ACRBP: variants seen among roughly 807,000 people sequenced by gnomAD.
ACRBP encodes the protein acrosin binding protein.
ACRBP carries 52 observed loss-of-function variants against 69.0 expected under a neutral mutation model. The observed-to-expected ratio is 0.75, with a 90% CI of 0.60 to 0.95. The LOEUF (loss-of-function observed/expected upper bound fraction) is 0.95. Ranked by LOEUF, ACRBP falls within the 40% of genes least tolerant of loss-of-function variation. The probability of loss-of-function intolerance (pLI) is 0.00; values close to 1 mark genes in which losing one functional copy is unlikely to be tolerated. For missense variants in ACRBP, 604 were observed against 673.0 expected, an observed-to-expected ratio of 0.90 and a Z score of 1.13; for synonymous variants, 267 against 258.9, an observed-to-expected ratio of 1.03 and a Z score of -0.30.
intron 4 of ACRBP, 25 bp downstream of exon 4, chr12:6,645,195 C>G (rs1949078864): frequency 2.6e-6 from 4 of 1,557,498 alleles, no homozygotes; most frequent in Non-Finnish European, 3.5e-6. Flanking sequence ...AGCTGGTGGT[C>G]TCCCGGCTGC....
Position 6,638,319 on chromosome 12 carries a change from T to C in ACRBP, c.1595A>G (p.Gln532Arg). Reference protein sequence around the residue: ...KSEDVVLRWSQEFSTLTLGQF... With the variant: ...KSEDVVLRWSREFSTLTLGQF... ...GCCTAGAGTCAAGGTGCTGAACTCC[T>C]GGCTCCATCGAAGCACAACGTCCTC... Residue 532 changes from glutamine to arginine, a missense_variant, in exon 10 of 10, where the codon CAG (glutamine) becomes CGG (arginine). Around this residue, in one of 3 missense-constraint regions of ACRBP, gnomAD observed 51 missense variants for 60.1 expected, o/e 0.85. Transcript: ENST00000229243. 1 of 1,614,176 alleles carries C rather than the reference T, an allele frequency of 6.2e-7. No individual in the cohort carries two copies. The highest frequency in any genetic ancestry group is 8.5e-7 in the Non-Finnish European group (1 of 1,180,024).
In ACRBP at chr12:6,638,094, TAA is replaced by T; in HGVS notation, c.*186_*187del. ...ACAGGCTGAAGATCAACATTTTATGTAAAGTCATCTTTTAAGGAGGGCGCAGC... is the reference window on the plus strand; with the variant it reads ...ACAGGCTGAAGATCAACATTTTATGTAGTCATCTTTTAAGGAGGGCGCAGC... On this transcript the variant is annotated 3_prime_UTR_variant, in exon 10 of 10. Coordinates refer to ENST00000229243, the MANE Select transcript of ACRBP (RefSeq NM_032489.3). 4 of 722,692 alleles carry T rather than the reference TAA, an allele frequency of 5.5e-6. No homozygotes were observed. The highest frequency in any genetic ancestry group is 8.9e-6 in the Non-Finnish European group (4 of 450,892). The allele number at this position is 722,692 out of a possible 1,614,324, so 44.8% of individuals were successfully genotyped here.
chr12:6,640,074 C>G lies in ACRBP; in HGVS notation c.1411G>C (p.Asp471His), dbSNP rs762502536. ...QTEFLSFQDGDFPTKICDTDY... is the reference protein window; with the variant it reads ...QTEFLSFQDGHFPTKICDTDY... The stretch of plus-strand genomic sequence containing the variant: ...AAGGTTCTAACCTTGGTAGGGAAAT[C>G]CCCATCCTGGAAGCTAAGGAACTCA... The change falls in exon 8 of 10, where the codon GAT becomes CAT. Residue 471 changes from aspartate (D) to histidine (H), a missense_variant. Asp to His is a moderately conservative substitution (Grantham distance 81). This residue lies in a region of ACRBP where 21 missense variants were observed against 50.0 expected (regional missense o/e 0.42). Transcript: ENST00000229243. The surrounding 1 kb of genome is among the most constrained non-coding windows in gnomAD (Gnocchi z 5.3). 3 of 1,614,040 alleles carry G rather than the reference C, an allele frequency of 1.9e-6. No individual in the cohort carries two copies. Among genetic ancestry groups the G allele is most frequent in the Non-Finnish European group, 2.5e-6 (3 of 1,180,026 alleles).
chr12:6,638,532 A>G (rs1003389025), intron 9 of ACRBP, 128 bp from the exon 10 acceptor site: 139 of 1,364,252 alleles, frequency 1.0e-4, no homozygotes, highest in Non-Finnish European at 8.2e-5. Context: ...AGTAGAGGGA[A>G]GGAGGAAACT....
In ACRBP at chr12:6,638,096, A is replaced by G. The variant is rs1345163825; in HGVS notation, c.*186T>C. ...AGGCTGAAGATCAACATTTTATGTA[A>G]AGTCATCTTTTAAGGAGGGCGCAGC... On this transcript the variant is annotated 3_prime_UTR_variant, in exon 10 of 10. Coordinates refer to ENST00000229243, the MANE Select transcript of ACRBP (RefSeq NM_032489.3). 6.8e-6 allele frequency: 5 copies of G among 732,774 alleles called. No individual in the cohort carries two copies. The Admixed American group carries it at 8.8e-5, about 13-fold the overall frequency. 45.4% of individuals were successfully genotyped at this position (732,774 alleles called of 1,614,324 possible).
intron 9 of ACRBP, chr12:6,638,619 C>T: frequency 1.5e-6 from 2 of 1,290,444 alleles, no homozygotes; most frequent in Non-Finnish European, 2.1e-6. Context: ...GGCTGAGGCT[C>T]AGAGGGGGAA....
intron 3 of ACRBP, among the ~76,000 whole-genome samples, chr12:6,645,698 T>C (rs1303208509): frequency 2.6e-5 from 4 of 151,344 alleles, no homozygotes; most frequent in African/African-American, 7.3e-5. Flanking sequence ...TCTCACTCTG[T>C]CACCCAGGCT....
chr12:6,639,349 A>G (rs1488738341), intron 8 of ACRBP, among the ~76,000 whole-genome samples: 1 of 152,230 alleles, frequency 6.6e-6, no homozygotes, highest in Non-Finnish European at 1.5e-5. Flanking sequence ...CAGGGACCCG[A>G]TTAGTGGCCT....
rs780897162 is a variant in ACRBP, at chr12:6,647,380, C to T, written c.-14G>A. ...TGGCTTCCTCATGGCCGGAGAAGAT[C>T]CGCCCGCGTCCCGTGGACACAAGCC... is the stretch of plus-strand genomic sequence containing the variant. On this transcript the variant is annotated 5_prime_UTR_variant, in exon 1 of 10. Coordinates refer to ENST00000229243, the MANE Select transcript of ACRBP (RefSeq NM_032489.3). The T allele has an allele frequency of 1.3e-6, 2 of 1,521,212 alleles. No individual in the cohort carries two copies. Among genetic ancestry groups the T allele is most frequent in the Non-Finnish European group, 1.8e-6 (2 of 1,132,378 alleles). 94.2% of individuals were successfully genotyped at this position (1,521,212 alleles called of 1,614,324 possible).
At position 6,645,321 on chromosome 12, in the gene ACRBP, T is replaced by G. The variant is rs754452777; in HGVS notation, c.374A>C (p.Gln125Pro). 1 of 1,613,434 alleles carries G rather than the reference T, an allele frequency of 6.2e-7. No homozygotes were observed. The highest frequency in any genetic ancestry group is 1.7e-5 in the Admixed American group (1 of 59,920). Residue 125 changes from glutamine to proline, a missense_variant, in exon 4 of 10, where the codon CAG (glutamine) becomes CCG (proline). Around this residue, in one of 3 missense-constraint regions of ACRBP, gnomAD observed 532 missense variants for 562.9 expected, o/e 0.95. Coordinates refer to ENST00000229243, the MANE Select transcript of ACRBP (RefSeq NM_032489.3). ...GTTAGGTGAGAGAATAGAGACTGGC[T>G]GGGAACACAGGACTCTCTGCAGGAA... is the stretch of plus-strand genomic sequence containing the variant. The part of the protein sequence containing the change: ...VYYAKRVLCS[Q>P]PVSILSPNTL...
At chr12:6,644,702 C>A (rs1949076033) in intron 4 of ACRBP, 97 bp from the exon 5 acceptor site, 1 of 1,488,450 alleles carries the variant, frequency 6.7e-7, no homozygotes, top group Non-Finnish European at 8.9e-7. Context: ...ACAAAGCAGA[C>A]CAAGTCACAC....
At chr12:6,647,075 C>T (rs1949095779) in intron 1 of ACRBP, 63 bp from the exon 2 acceptor site, 2 of 1,397,604 alleles carry the variant, frequency 1.4e-6, no homozygotes, top group Admixed American at 1.9e-5. Context: ...GAGACCAGGA[C>T]AGACAGACCC....
intron 6 of ACRBP, among the ~76,000 whole-genome samples, chr12:6,643,257 CA>C (rs942550851): frequency 1.4e-4 from 20 of 145,476 alleles, no homozygotes; most frequent in East Asian, 5.9e-4. Flanking sequence ...GACCCTGTCT[CA>C]AAAAAAAAAG....
Position 6,639,038 on chromosome 12 carries a change from C to G in ACRBP, c.1426-1G>C. The G allele has an allele frequency of 6.2e-7, 1 of 1,613,758 alleles. No individual in the cohort carries two copies. The highest frequency in any genetic ancestry group is 8.5e-7 in the Non-Finnish European group (1 of 1,179,636). On this transcript the variant is annotated splice_acceptor_variant, in intron 8 of 9. Transcript: ENST00000229243. LOFTEE classifies it high-confidence loss of function. The stretch of plus-strand genomic sequence containing the variant: ...ACTGGATATAGTCTGTGTCACAAAT[C>G]TAAGCCAAGAGCCAGAGAGAGGGAA...
chr12:6,639,928 T>G (rs1592305949), intron 8 of ACRBP, 132 bp downstream of exon 8: 1 of 1,109,374 alleles, frequency 9.0e-7, no homozygotes. Flanking sequence ...AGGCAGGAGA[T>G]TCAGTGAGGA....
rs148213737 is a variant in ACRBP at position 6,640,122 on chromosome 12, G to T, written c.1363C>A (p.Arg455=). ...RLATKGCEDV[R]VSGWLQTEFL... ...TCAGTCTGGAGCCACCCAGAGACTC[G>T]GACATCTTCACAGCCTTTCGTGGCA... The change falls in exon 8 of 10, where the codon CGA becomes AGA. Residue 455 remains arginine, a synonymous_variant. Coordinates refer to ENST00000229243, the MANE Select transcript of ACRBP (RefSeq NM_032489.3). The surrounding 1 kb of genome is among the most constrained non-coding windows in gnomAD (Gnocchi z 5.3). 2.1e-5 allele frequency: 34 copies of T among 1,614,056 alleles called. No individual in the cohort carries two copies. Among genetic ancestry groups the T allele is most frequent in the Admixed American group, 1.2e-4 (7 of 59,992 alleles).
chr12:6,647,024 G>A lies in ACRBP; in HGVS notation c.44-12C>T, dbSNP rs190739644. On this transcript the variant is annotated splice_polypyrimidine_tract_variant and intron_variant, in intron 1 of 9. Transcript: ENST00000229243. ...AGGCAGGAGCAGCACTGCGGAGCGGGCGAACGGATGATGGAAGGACCGAAC... is the reference window on the plus strand; with the variant it reads ...AGGCAGGAGCAGCACTGCGGAGCGGACGAACGGATGATGGAAGGACCGAAC... The A allele has an allele frequency of 3.7e-4, 594 of 1,605,534 alleles. 2 individuals are homozygous for A. In the African/African-American group the frequency reaches 6.9e-3, roughly 19 times the overall value.
At position 6,646,557 on chromosome 12, in the gene ACRBP, G is replaced by A; in HGVS notation, c.283C>T (p.Pro95Ser). Residue 95 changes from proline to serine, a missense_variant, in exon 3 of 10, where the codon CCT (proline) becomes TCT (serine). Transcript: ENST00000229243. ...AAAGACTCAAACCAGGAGGCATAAGGGAGGTTGGAGCAGACAGCACCTGAG... is the reference window on the plus strand; with the variant it reads ...AAAGACTCAAACCAGGAGGCATAAGAGAGGTTGGAGCAGACAGCACCTGAG... ...VPDGAVCSNL[P>S]YASWFESFCQ... is the part of the protein sequence containing the mutation. 1 of 1,614,124 alleles carries A rather than the reference G, an allele frequency of 6.2e-7. No individual in the cohort carries two copies. Among genetic ancestry groups the A allele is most frequent in the Non-Finnish European group, 8.5e-7 (1 of 1,180,034 alleles).
chr12:6,639,136 G>T, intron 8 of ACRBP, 99 bp from the exon 9 acceptor site: 1 of 1,130,778 alleles, frequency 8.8e-7, no homozygotes, highest in Non-Finnish European at 1.3e-6. Flanking sequence ...GGGGCAGGGT[G>T]TGGCCCAAGA....
Sources: gnomAD v4.1 joint callset for allele counts (sites outside exome capture counted in the v4.1 genomes callset) on GRCh38, gnomAD v4.1.1 for gene constraint, gnomAD v4.1.1 regional missense constraint, Gnocchi (gnomAD v3.1) non-coding constraint, MANE v1.5 for transcripts, NCBI Gene and HGNC (gene_info 2026-07-23, HGNC 2026-07-21) for gene names.